Variants in GALNTL5 observed in about 807,000 individuals in gnomAD.
GALNTL5 encodes the protein inactive polypeptide N-acetylgalactosaminyltransferase-like protein 5.
GALNTL5 carries 44 observed loss-of-function variants against 51.0 expected under a neutral mutation model. The observed-to-expected ratio is 0.86, with a 90% CI of 0.68 to 1.11. The LOEUF is 1.11. GALNTL5 is among the 50% of genes least tolerant of loss of function. The probability of loss-of-function intolerance (pLI) is 0.00; values close to 1 mark genes in which losing one functional copy is unlikely to be tolerated. For missense variants in GALNTL5, 528 were observed against 531.8 expected (o/e 0.99, Z 0.07); for synonymous variants, 192 against 182.8 (o/e 1.05, Z -0.41).
At chr7:152,003,383 C>T (rs747611240) in intron 6 of GALNTL5, among the ~76,000 whole-genome samples, 1 of 152,198 alleles carries the variant, frequency 6.6e-6, no homozygotes, top group Non-Finnish European at 1.5e-5. Context: ...ACTGTTCACA[C>T]AAAGACCACA....
chr7:151,980,056 C>T (rs2081259761), intron 3 of GALNTL5, among the ~76,000 whole-genome samples: 1 of 139,496 alleles, frequency 7.2e-6, no homozygotes, highest in African/African-American at 3.4e-5. Flanking sequence ...TCTTTCTCTC[C>T]TACTTTCTGT....
At position 152,007,897 on chromosome 7, in the gene GALNTL5, A is replaced by G; in HGVS notation, c.979A>G (p.Lys327Glu). 5.6e-6 allele frequency: 9 copies of G among 1,612,106 alleles called. No individual in the cohort carries two copies. The highest frequency in any genetic ancestry group is 6.8e-6 in the Non-Finnish European group (8 of 1,178,748). The change falls in exon 7 of 9, where the codon AAG becomes GAG. Residue 327 changes from lysine (K) to glutamate (E), a missense_variant. Coordinates refer to ENST00000392800, the MANE Select transcript of GALNTL5 (RefSeq NM_145292.4). Reference protein sequence around the residue: ...HYFNEIGQYDKDMDFWGRENL... With the variant: ...HYFNEIGQYDEDMDFWGRENL... Reference sequence around the variant, plus strand: ...TTTTAATGAAATTGGACAGTATGACAAGGATATGGATTTTTGGGGAAGAGA... The same window carrying G: ...TTTTAATGAAATTGGACAGTATGACGAGGATATGGATTTTTGGGGAAGAGA...
At chr7:151,984,837 G>A (rs539495043) in intron 4 of GALNTL5, among the ~76,000 whole-genome samples, 91 of 152,302 alleles carry the variant, frequency 6.0e-4, no homozygotes, top group Non-Finnish European at 9.3e-4. Flanking sequence ...AGAAGTACAA[G>A]AATGCTGCCA....
chr7:152,003,050 T>G, intron 6 of GALNTL5, 87 bp downstream of exon 6: 1 of 1,156,536 alleles, frequency 8.6e-7, no homozygotes, highest in Non-Finnish European at 1.2e-6. Context: ...TTCTTTCAAG[T>G]TCTTGGGCTT....
At chr7:152,005,516 T>C (rs963431554) in intron 6 of GALNTL5, among the ~76,000 whole-genome samples, 2 of 152,140 alleles carry the variant, frequency 1.3e-5, no homozygotes, top group African/African-American at 2.4e-5. Flanking sequence ...AAGATTCTCT[T>C]TGGGGCATAT....
At chr7:151,983,490 C>T (rs114975648) in intron 4 of GALNTL5, among the ~76,000 whole-genome samples, 1,868 of 152,252 alleles carry the variant, frequency 0.012, 48 homozygotes, top group African/African-American at 0.041. Flanking sequence ...CTAATCTACT[C>T]TGAAGGTAGT....
intron 5 of GALNTL5, among the ~76,000 whole-genome samples, chr7:152,001,580 T>C (rs1322620495): frequency 6.6e-6 from 1 of 152,182 alleles, no homozygotes; most frequent in Non-Finnish European, 1.5e-5. Flanking sequence ...ACACATGGTT[T>C]ATTTCTGGTT....
Position 151,987,224 on chromosome 7 carries a change from A to G in GALNTL5, c.601A>G (p.Asn201Asp). 1 of 1,601,678 alleles carries G rather than the reference A, an allele frequency of 6.2e-7. No homozygotes were observed. The highest frequency in any genetic ancestry group is 8.5e-7 in the Non-Finnish European group (1 of 1,176,236). ...TFRGKVKIIRNKKREGLIRAR... is the reference protein window; with the variant it reads ...TFRGKVKIIRDKKREGLIRAR... ...TCGGGGAAAGGTTAAAATAATAAGA[A>G]ACAAAAAGAGAGAGGGGCTGATTCG... Residue 201 changes from asparagine (N) to aspartate (D), a missense_variant, in exon 5 of 9, where the codon AAC becomes GAC. Transcript: ENST00000392800.
intron 5 of GALNTL5, among the ~76,000 whole-genome samples, chr7:151,989,831 A>G (rs2081405301): frequency 6.6e-6 from 1 of 151,982 alleles, no homozygotes; most frequent in African/African-American, 2.4e-5. Flanking sequence ...ATTTTTTCAT[A>G]TTTTCATAGA....
At chr7:151,959,016 C>A (rs945012190) in intron 1 of GALNTL5, among the ~76,000 whole-genome samples, 1 of 152,106 alleles carries the variant, frequency 6.6e-6, no homozygotes, top group African/African-American at 2.4e-5. Context: ...GAAATAACAC[C>A]ATTTGATTGG....
intron 5 of GALNTL5, among the ~76,000 whole-genome samples, chr7:151,989,321 T>C (rs2081398820): frequency 6.6e-6 from 1 of 151,686 alleles, no homozygotes; most frequent in Non-Finnish European, 1.5e-5. Flanking sequence ...CAGCTAATTT[T>C]TTTGTATTTT....
At chr7:151,995,758 C>T (rs1249795658) in intron 5 of GALNTL5, among the ~76,000 whole-genome samples, 1 of 151,876 alleles carries the variant, frequency 6.6e-6, no homozygotes, top group Admixed American at 6.6e-5. Context: ...GAATTTTATC[C>T]TTCAAAATGA....
intron 3 of GALNTL5, among the ~76,000 whole-genome samples, chr7:151,973,726 G>A (rs1365824732): frequency 3.3e-5 from 5 of 152,226 alleles, no homozygotes; most frequent in Non-Finnish European, 7.3e-5. Flanking sequence ...AATACTTCGG[G>A]TGACTGTTGG....
Position 151,982,981 on chromosome 7 carries a change from T to G in GALNTL5, c.369-5T>G, listed in dbSNP as rs369140074. ...TGGTTTTCTTCATATTGCTTCTGCCTGCAGGTGTCTTCAAAAACATTACCC... is the reference window on the plus strand; with the variant it reads ...TGGTTTTCTTCATATTGCTTCTGCCGGCAGGTGTCTTCAAAAACATTACCC... On this transcript the variant is annotated splice_polypyrimidine_tract_variant and splice_region_variant and intron_variant, in intron 3 of 8. Transcript: ENST00000392800. 3 of 1,614,036 alleles carry G rather than the reference T, an allele frequency of 1.9e-6. No individual in the cohort carries two copies. In the African/African-American group the frequency reaches 4.0e-5, roughly 22 times the overall value.
In GALNTL5 at chr7:151,972,162, T is replaced by A. The variant is rs117622911; in HGVS notation, c.368+1097T>A. On this transcript the variant is annotated intron_variant, in intron 3 of 8. Coordinates refer to ENST00000392800, the MANE Select transcript of GALNTL5 (RefSeq NM_145292.4). The stretch of plus-strand genomic sequence containing the variant: ...AAGTTTGGAATTTCCTAGAGACTTG[T>A]TGAATGGCTTTGGTAAAAATGCTGA... Among the ~76,000 whole-genome samples the A allele has an allele frequency of 4.1e-3, 626 of 152,300 alleles. 3 individuals are homozygous for A. The highest frequency in any genetic ancestry group is 0.01 in the Middle Eastern group (3 of 294).
At chr7:152,013,376 G>T (rs1215726851) in intron 7 of GALNTL5, among the ~76,000 whole-genome samples, 2 of 152,018 alleles carry the variant, frequency 1.3e-5, no homozygotes, top group Admixed American at 6.6e-5. Flanking sequence ...ACAAAAACTG[G>T]TGTTAGGAGG....
chr7:151,966,488 C>T (rs1182051259), intron 1 of GALNTL5, among the ~76,000 whole-genome samples: 6 of 152,074 alleles, frequency 3.9e-5, no homozygotes, highest in Non-Finnish European at 5.9e-5. Flanking sequence ...AAGCTGGTCT[C>T]GAACTCCTGA....
intron 1 of GALNTL5, chr7:151,960,476 G>T (rs1246934813): frequency 1.3e-5 from 2 of 152,230 alleles, no homozygotes; most frequent in South Asian, 2.1e-4. Context: ...ACTAGGTCAA[G>T]TTCCCCAGGA....
chr7:152,005,394 C>A (rs1269300651), intron 6 of GALNTL5, among the ~76,000 whole-genome samples: 1 of 152,184 alleles, frequency 6.6e-6, no homozygotes, highest in East Asian at 1.9e-4. Context: ...CACTTTCTCC[C>A]TGCTGTCTCA....
Sources: allele counts gnomAD v4.1 joint callset (sites outside exome capture counted in the v4.1 genomes callset), GRCh38; gene constraint gnomAD v4.1.1; transcripts MANE v1.5; gene names NCBI Gene and HGNC (gene_info 2026-07-23, HGNC 2026-07-21).